Variants in ZBTB43 observed in about 807,000 individuals in gnomAD.
ZBTB43 encodes the protein zinc finger and BTB domain-containing protein 43.
In ZBTB43, 6 loss-of-function variants were observed where a neutral mutation model predicts 31.1. That is an observed-to-expected ratio of 0.19 (90% CI 0.11 to 0.38). The LOEUF is 0.38. ZBTB43 is among the 10% of genes least tolerant of loss of function. The pLI, the probability that ZBTB43 is intolerant of heterozygous loss-of-function variation, is 1.00. For synonymous variants in ZBTB43, 212 were observed against 221.7 expected, an observed-to-expected ratio of 0.96 and a Z score of 0.39; for missense variants, 379 against 602.1, an observed-to-expected ratio of 0.63 and a Z score of 3.88.
chr9:126,814,437 C>CT (rs983950045), intron 2 of ZBTB43, among the ~76,000 whole-genome samples: 219 of 141,482 alleles, frequency 1.5e-3, no homozygotes, highest in African/African-American at 4.6e-3. Context: ...TTTCATGTGA[C>CT]TTTTTTTTTT....
chr9:126,824,739 C>T (rs1326183766), intron 2 of ZBTB43, among the ~76,000 whole-genome samples: 1 of 152,178 alleles, frequency 6.6e-6, no homozygotes, highest in Non-Finnish European at 1.5e-5. Context: ...TACAGTTTGA[C>T]TATAATGTGT....
chr9:126,826,848 C>A (rs1261377384), intron 2 of ZBTB43, among the ~76,000 whole-genome samples: 1 of 152,118 alleles, frequency 6.6e-6, no homozygotes, highest in Admixed American at 6.6e-5. Flanking sequence ...TTCTTTTGTT[C>A]TTTGAGCATA....
chr9:126,828,642 A>ATTATTATTATTATTATTATT (rs1554742714), intron 2 of ZBTB43, among the ~76,000 whole-genome samples: 2 of 126,624 alleles, frequency 1.6e-5, no homozygotes, highest in African/African-American at 4.1e-5. Context: ...TAATAATAAT[A>ATTATTATTATTATTATTATT]ATAATAATAA....
At chr9:126,821,670 T>A (rs1269438111) in intron 2 of ZBTB43, among the ~76,000 whole-genome samples, 1 of 152,202 alleles carries the variant, frequency 6.6e-6, no homozygotes, top group Non-Finnish European at 1.5e-5. Flanking sequence ...AGTTGCTTCT[T>A]AGGGATGAGC....
chr9:126,836,475 T>A lies in ZBTB43; in HGVS notation c.*2562T>A, dbSNP rs1255024861. 6.0e-6 allele frequency: 1 copy of A among 167,050 alleles called. No homozygotes were observed. Among genetic ancestry groups the A allele is most frequent in the Non-Finnish European group, 1.5e-5 (1 of 68,114 alleles). 10.3% of individuals were successfully genotyped at this position (167,050 alleles called of 1,614,324 possible). On this transcript the variant is annotated 3_prime_UTR_variant, in exon 3 of 3. Transcript: ENST00000373464. ...AGAGCCTGGGAGGTGGTAGGGTGTCTGAAATGCTGGCCATGTTCAGAGAGG... is the reference window on the plus strand; with the variant it reads ...AGAGCCTGGGAGGTGGTAGGGTGTCAGAAATGCTGGCCATGTTCAGAGAGG...
intron 2 of ZBTB43, among the ~76,000 whole-genome samples, chr9:126,822,387 T>C (rs1171286110): frequency 6.6e-6 from 1 of 152,176 alleles, no homozygotes; most frequent in Non-Finnish European, 1.5e-5. Flanking sequence ...CATTGCATGC[T>C]ACAGAGAAAT....
intron 1 of ZBTB43, among the ~76,000 whole-genome samples, chr9:126,807,329 G>A (rs1479498326): frequency 6.6e-6 from 1 of 152,080 alleles, no homozygotes; most frequent in Admixed American, 6.5e-5. Context: ...TATATACAAA[G>A]GAAAAATAAG....
chr9:126,836,391 T>C lies in ZBTB43; in HGVS notation c.*2478T>C, dbSNP rs2032879254. 6.0e-6 allele frequency: 1 copy of C among 167,078 alleles called. No individual in the cohort carries two copies. Among genetic ancestry groups the C allele is most frequent in the Non-Finnish European group, 1.5e-5 (1 of 68,124 alleles). The allele number at this position is 167,078 out of a possible 1,614,324, so 10.3% of individuals were successfully genotyped here. A position where few individuals can be genotyped will look rare whatever the true frequency, so the allele number is the denominator to read the frequency against. Reference sequence around the variant, plus strand: ...AAATAAGTTGCTCACATCTGTTCTTTTAGTGTTTTGTGGTATTTGAGGTTT... The same window carrying C: ...AAATAAGTTGCTCACATCTGTTCTTCTAGTGTTTTGTGGTATTTGAGGTTT... On this transcript the variant is annotated 3_prime_UTR_variant, in exon 3 of 3. Coordinates refer to ENST00000373464, the MANE Select transcript of ZBTB43 (RefSeq NM_014007.4).
Position 126,834,025 on chromosome 9 carries a change from A to T in ZBTB43, c.*112A>T, listed in dbSNP as rs1226892175. 8.3e-7 allele frequency: 1 copy of T among 1,203,062 alleles called. No homozygotes were observed. The allele number at this position is 1,203,062 out of a possible 1,614,324, so 74.5% of individuals were successfully genotyped here. A position where few individuals can be genotyped will look rare whatever the true frequency, so the allele number is the denominator to read the frequency against. ...GCTATTATGAGAGAAGCTTAAAAAA[A>T]AAAAGGAAGATATTTCTGAAAGACC... On this transcript the variant is annotated 3_prime_UTR_variant, in exon 3 of 3. Transcript: ENST00000373464.
At chr9:126,809,743 T>C (rs2032201711) in intron 2 of ZBTB43, among the ~76,000 whole-genome samples, 1 of 152,184 alleles carries the variant, frequency 6.6e-6, no homozygotes, top group African/African-American at 2.4e-5. Context: ...TTAAGAAGCA[T>C]AGTGGAACAG....
chr9:126,813,554 G>A (rs1424183878), intron 2 of ZBTB43, among the ~76,000 whole-genome samples: 1 of 152,120 alleles, frequency 6.6e-6, no homozygotes, highest in Non-Finnish European at 1.5e-5. Flanking sequence ...AAAGAGAGCC[G>A]AGGGAGATCT....
chr9:126,812,333 T>C (rs989460003), intron 2 of ZBTB43, among the ~76,000 whole-genome samples: 2 of 152,214 alleles, frequency 1.3e-5, no homozygotes, highest in Non-Finnish European at 2.9e-5. Context: ...CTTATGATGG[T>C]TTTCACTTTT....
At chr9:126,829,439 T>A (rs1243223978) in intron 2 of ZBTB43, among the ~76,000 whole-genome samples, 2 of 152,350 alleles carry the variant, frequency 1.3e-5, no homozygotes, top group African/African-American at 2.4e-5. Context: ...TACATCCATA[T>A]AATAGAAAGC....
intron 2 of ZBTB43, among the ~76,000 whole-genome samples, chr9:126,823,528 G>A (rs2119145257): frequency 6.6e-6 from 1 of 152,270 alleles, no homozygotes; most frequent in Admixed American, 6.5e-5. Flanking sequence ...CACCTCGGCA[G>A]CACATACACT....
chr9:126,807,154 T>G lies in ZBTB43; in HGVS notation c.-146-1639T>G, dbSNP rs1010220128. 2.0e-5 allele frequency among the ~76,000 whole-genome samples: 3 copies of G among 152,254 alleles called. No individual in the cohort carries two copies. The East Asian group carries it at 5.8e-4, about 29-fold the overall frequency. On this transcript the variant is annotated intron_variant, in intron 1 of 2. Transcript: ENST00000373464. ...ATATCACAACTGAATTACTACTTTA[T>G]TTAATTGAATCCTAGATGCTGTTAT...
At chr9:126,826,013 A>ATTTTT (rs35825124) in intron 2 of ZBTB43, among the ~76,000 whole-genome samples, 1 of 120,984 alleles carries the variant, frequency 8.3e-6, no homozygotes, top group Non-Finnish European at 1.7e-5. Context: ...TGCCCAGCCA[A>ATTTTT]TTTTTTTTTT....
intron 2 of ZBTB43, among the ~76,000 whole-genome samples, chr9:126,828,196 T>G (rs2032685108): frequency 6.6e-6 from 1 of 151,892 alleles, no homozygotes. Context: ...TATTTATTTT[T>G]TTTTTGAGAT....
intron 2 of ZBTB43, among the ~76,000 whole-genome samples, chr9:126,812,625 A>G (rs749342418): frequency 1.5e-4 from 23 of 152,146 alleles, no homozygotes; most frequent in Non-Finnish European, 2.6e-4. Flanking sequence ...GTGAAAAGGG[A>G]TGTTTAGTAG....
At chr9:126,809,210 T>C (rs2032190538) in intron 2 of ZBTB43, among the ~76,000 whole-genome samples, 1 of 152,226 alleles carries the variant, frequency 6.6e-6, no homozygotes, top group Non-Finnish European at 1.5e-5. Context: ...ATGCCATTTC[T>C]GAGACGTGTA....
Sources: allele counts gnomAD v4.1 joint callset (sites outside exome capture counted in the v4.1 genomes callset), GRCh38; gene constraint gnomAD v4.1.1; transcripts MANE v1.5; gene names NCBI Gene and HGNC (gene_info 2026-07-23, HGNC 2026-07-21).